The following TAF1A variants were observed in gnomAD, a reference collection of about 807,000 sequenced individuals.
TAF1A encodes the protein TATA box-binding protein-associated factor RNA polymerase I subunit A.
A neutral mutation model predicts 61.6 loss-of-function variants in TAF1A; 42 were observed. The ratio of observed to expected loss-of-function variants is 0.68; its 90% CI spans 0.53 to 0.88. The LOEUF is 0.88. Among genes scored for constraint, TAF1A ranks in the 40% least tolerant of loss-of-function variants. The probability of loss-of-function intolerance (pLI) is 0.00; values close to 1 mark genes in which losing one functional copy is unlikely to be tolerated. For synonymous variants in TAF1A, 179 were observed against 177.7 expected (o/e 1.01, Z -0.06); for missense variants, 424 against 518.7 (o/e 0.82, Z 1.77).
chr1:222,565,276 C>T (rs955671132), intron 7 of TAF1A, among the ~76,000 whole-genome samples: 26 of 152,232 alleles, frequency 1.7e-4, no homozygotes, highest in African/African-American at 5.8e-4. Flanking sequence ...CTTGTATGCT[C>T]GTTTCTGCAC....
intron 5 of TAF1A, among the ~76,000 whole-genome samples, chr1:222,572,218 C>CAACAAA: frequency 1.2e-5 from 1 of 86,678 alleles, no homozygotes; most frequent in Admixed American, 1.3e-4. Context: ...GACTCAGTCT[C>CAACAAA]AAAAAAAAAA....
chr1:222,570,496 C>A (rs750097543), intron 6 of TAF1A, 39 bp downstream of exon 6: 2 of 1,567,324 alleles, frequency 1.3e-6, no homozygotes, highest in Non-Finnish European at 1.7e-6. Context: ...AGGCTTTTGA[C>A]AAAATAAAAC....
At chr1:222,561,317 A>G (rs765746819) in intron 10 of TAF1A, 47 bp downstream of exon 10, 17 of 1,555,124 alleles carry the variant, frequency 1.1e-5, no homozygotes, top group Non-Finnish European at 1.5e-5. Flanking sequence ...CATAATTTCA[A>G]AATCAGCCAA....
At chr1:222,579,663 C>T in intron 4 of TAF1A, 96 bp downstream of exon 4, 1 of 1,408,532 alleles carries the variant, frequency 7.1e-7, no homozygotes, top group Non-Finnish European at 9.7e-7. Context: ...TATCCTTGTC[C>T]CACATTTTTT....
At chr1:222,582,257 T>C (rs1660816522) in intron 3 of TAF1A, among the ~76,000 whole-genome samples, 1 of 152,182 alleles carries the variant, frequency 6.6e-6, no homozygotes, top group South Asian at 2.1e-4. Context: ...TATAGGCAAT[T>C]ATGACTTTGG....
chr1:222,573,265 G>A (rs1172890271), intron 5 of TAF1A, among the ~76,000 whole-genome samples: 10 of 152,020 alleles, frequency 6.6e-5, no homozygotes, highest in African/African-American at 1.5e-4. Flanking sequence ...GTGAGACTCC[G>A]TCTCAAAAAA....
At chr1:222,577,374 C>G in intron 5 of TAF1A, 71 bp downstream of exon 5, 2 of 1,252,342 alleles carry the variant, frequency 1.6e-6, no homozygotes, top group South Asian at 2.7e-5. Context: ...AGGGAAATTA[C>G]TAGATTACTC....
At chr1:222,571,703 T>G (rs1051178998) in intron 5 of TAF1A, among the ~76,000 whole-genome samples, 1 of 152,142 alleles carries the variant, frequency 6.6e-6, no homozygotes, top group Middle Eastern at 3.2e-3. Flanking sequence ...AAAGTGATAC[T>G]GTTGAAAAAA....
At chr1:222,586,406 A>C (rs953994622) in intron 2 of TAF1A, among the ~76,000 whole-genome samples, 8 of 152,206 alleles carry the variant, frequency 5.3e-5, no homozygotes, top group Non-Finnish European at 1.0e-4. Flanking sequence ...TTAGATAACT[A>C]TACCTAAATG....
chr1:222,586,513 G>A (rs572998463), intron 2 of TAF1A, among the ~76,000 whole-genome samples: 2 of 152,188 alleles, frequency 1.3e-5, no homozygotes, highest in South Asian at 4.1e-4. Flanking sequence ...AGTCTTACTT[G>A]ATCCTGATGA....
chr1:222,565,613 C>A (rs1660084609), intron 7 of TAF1A, among the ~76,000 whole-genome samples: 4 of 152,104 alleles, frequency 2.6e-5, no homozygotes, highest in Admixed American at 1.3e-4. Context: ...GAGCCAAAAG[C>A]TATCTTAAGA....
At chr1:222,580,878 C>T (rs1571824547) in intron 3 of TAF1A, among the ~76,000 whole-genome samples, 3 of 152,164 alleles carry the variant, frequency 2.0e-5, no homozygotes, top group East Asian at 3.9e-4. Context: ...CTGGGCCAGG[C>T]GCGGTGGCTC....
At chr1:222,570,339 T>A (rs1023657082) in intron 6 of TAF1A, among the ~76,000 whole-genome samples, 196 bp downstream of exon 6, 1 of 152,242 alleles carries the variant, frequency 6.6e-6, no homozygotes, top group South Asian at 2.1e-4. Context: ...ATTTATTTTA[T>A]AGATACTTGG....
chr1:222,576,066 T>C lies in TAF1A; in HGVS notation c.604+1379A>G, dbSNP rs564403151. Among the ~76,000 whole-genome samples the C allele has an allele frequency of 6.6e-5, 10 of 152,172 alleles. No individual in the cohort carries two copies. In the South Asian group the frequency reaches 2.1e-3, roughly 32 times the overall value. On this transcript the variant is annotated intron_variant, in intron 5 of 10. Transcript: ENST00000352967. ...ATTGATTAGTCTAAACGGGAAGATA[T>C]CTGGACTAATAAAATACACATGAAA... is the stretch of plus-strand genomic sequence containing the variant.
intron 7 of TAF1A, among the ~76,000 whole-genome samples, chr1:222,568,443 C>T (rs943371784): frequency 6.6e-6 from 1 of 151,324 alleles, no homozygotes; most frequent in African/African-American, 2.4e-5. Flanking sequence ...ATTGATCCCC[C>T]CAAAAATAGA....
chr1:222,557,903 AGACAGAGTCTAGTT>A (rs1659767442), downstream of TAF1A: 1 of 129,000 alleles, frequency 7.8e-6, no homozygotes, highest in South Asian at 2.4e-4. Flanking sequence ...TTTTTTTTTG[AGACAGAGTCTAGTT>A]CTGTCGCCCA....
intron 2 of TAF1A, among the ~76,000 whole-genome samples, chr1:222,588,154 G>A (rs1025996172): frequency 2.0e-5 from 3 of 152,076 alleles, no homozygotes; most frequent in East Asian, 1.9e-4. Context: ...CTCAATGGCA[G>A]AGACCATATC....
At chr1:222,555,587 G>A (rs1459161865), downstream of TAF1A, among the ~76,000 whole-genome samples, 2 of 152,088 alleles carry the variant, frequency 1.3e-5, no homozygotes, top group Non-Finnish European at 2.9e-5. Context: ...TGGTCAAATG[G>A]TACAAAGTTT....
At chr1:222,570,709 G>T (rs1247734756) in intron 5 of TAF1A, 44 bp from the exon 6 acceptor site, 15 of 1,506,438 alleles carry the variant, frequency 1.0e-5, no homozygotes, top group Non-Finnish European at 1.3e-5. Context: ...TAAACATTGA[G>T]GACCTCTGTT....
Sources: gnomAD v4.1 joint callset for allele counts (sites outside exome capture counted in the v4.1 genomes callset) on GRCh38, gnomAD v4.1.1 for gene constraint, MANE v1.5 for transcripts, NCBI Gene and HGNC (gene_info 2026-07-23, HGNC 2026-07-21) for gene names.